The following GINS4 variants were observed in gnomAD, a reference collection of about 807,000 sequenced individuals.
The protein encoded by GINS4 is DNA replication complex GINS protein SLD5.
In GINS4, 20 loss-of-function variants were observed where a neutral mutation model predicts 31.1. The ratio of observed to expected loss-of-function variants is 0.64; its 90% CI spans 0.45 to 0.93. The LOEUF is 0.93. Ranked by LOEUF, GINS4 falls within the 40% of genes least tolerant of loss-of-function variation. The pLI, the probability that GINS4 is intolerant of heterozygous loss-of-function variation, is 0.00. For missense variants in GINS4, 245 were observed against 273.9 expected (o/e 0.89, Z 0.75); for synonymous variants, 85 against 97.9 (o/e 0.87, Z 0.78).
chr8:41,537,606 A>C, intron 4 of GINS4: 1 of 232,066 alleles, frequency 4.3e-6, no homozygotes. Context: ...TCAATAGTGA[A>C]TGCTGACTAG....
At chr8:41,532,098 C>G (rs1806655372) in intron 2 of GINS4, among the ~76,000 whole-genome samples, 1 of 152,208 alleles carries the variant, frequency 6.6e-6, no homozygotes, top group Non-Finnish European at 1.5e-5. Flanking sequence ...AGCCTCTGTG[C>G]CCAGCCTGTT....
chr8:41,537,532 C>A, intron 4 of GINS4: 1 of 420,914 alleles, frequency 2.4e-6, no homozygotes. Flanking sequence ...GTTCACCTGC[C>A]GAGTGAGTGG....
At position 41,545,023 on chromosome 8, in the gene GINS4, T is replaced by C. The variant is rs964069215; in HGVS notation, c.*2936T>C. ...ATTTTTAAATAAAGGAGAAGTTGAA[T>C]TTCAAAACCAAGTGGAACAGGAAAT... On this transcript the variant is annotated 3_prime_UTR_variant, in exon 8 of 8. Coordinates refer to ENST00000276533, the MANE Select transcript of GINS4 (RefSeq NM_032336.3). 1 of 152,250 alleles carries C rather than the reference T, an allele frequency of 6.6e-6. No individual in the cohort carries two copies. The highest frequency in any genetic ancestry group is 2.4e-5 in the African/African-American group (1 of 41,462). The allele number at this position is 152,250 out of a possible 1,614,324, so 9.4% of individuals were successfully genotyped here.
chr8:41,534,965 C>T (rs577423702), intron 2 of GINS4, among the ~76,000 whole-genome samples: 17 of 152,050 alleles, frequency 1.1e-4, no homozygotes, highest in South Asian at 2.1e-4. Context: ...CCTCGTGATC[C>T]GCCTGCCTCG....
chr8:41,536,976 A>C (rs1385691550), intron 3 of GINS4: 1 of 525,918 alleles, frequency 1.9e-6, no homozygotes, highest in Non-Finnish European at 3.4e-6. Context: ...GTTCTTTTGG[A>C]AGCCTCTGGC....
chr8:41,540,062 G>C (rs768718920), intron 6 of GINS4, 58 bp downstream of exon 6: 3 of 1,161,326 alleles, frequency 2.6e-6, no homozygotes, highest in Non-Finnish European at 3.9e-6. Context: ...CCCAGGGTAG[G>C]ATCCTCTCTT....
intron 1 of GINS4, 114 bp from the exon 2 acceptor site, chr8:41,530,070 G>A: frequency 1.6e-6 from 1 of 634,580 alleles, no homozygotes. Flanking sequence ...TTGCTAAAGG[G>A]CCTCTACAAC....
chr8:41,539,700 T>G lies in GINS4; in HGVS notation c.320T>G (p.Val107Gly). The G allele has an allele frequency of 6.2e-7, 1 of 1,613,824 alleles. No homozygotes were observed. Among genetic ancestry groups the G allele is most frequent in the Non-Finnish European group, 8.5e-7 (1 of 1,179,768 alleles). ...CAGATAGAGAAGTTTTTCCCTCATGTCCTTGAGAAGGAAAAAACACGTCCT... is the reference window on the plus strand; with the variant it reads ...CAGATAGAGAAGTTTTTCCCTCATGGCCTTGAGAAGGAAAAAACACGTCCT... ...LMKIEKFFPHVLEKEKTRPEG... is the reference protein window; with the variant it reads ...LMKIEKFFPHGLEKEKTRPEG... The change falls in exon 5 of 8, where the codon GTC (valine) becomes GGC (glycine). Residue 107 changes from valine (V) to glycine (G), a missense_variant. Val to Gly is a moderately radical substitution (Grantham distance 109). Transcript: ENST00000276533.
Position 41,542,337 on chromosome 8 carries a change from TCGTGCCATTG to T in GINS4, c.*252_*261del. ...AGCAGGAGGTTGCAGTGAGCCGAGG[TCGTGCCATTG>T]CACTCCAGCCTGGGTGACAGTGAGA... On this transcript the variant is annotated 3_prime_UTR_variant, in exon 8 of 8. Coordinates refer to ENST00000276533, the MANE Select transcript of GINS4 (RefSeq NM_032336.3). The T allele has an allele frequency of 2.0e-6, 1 of 503,216 alleles. No individual in the cohort carries two copies. Among genetic ancestry groups the T allele is most frequent in the Admixed American group, 3.2e-5 (1 of 30,860 alleles). 31.2% of individuals were successfully genotyped at this position (503,216 alleles called of 1,614,324 possible).
chr8:41,533,265 T>C (rs75925561), intron 2 of GINS4, among the ~76,000 whole-genome samples: 2,717 of 152,300 alleles, frequency 0.018, 70 homozygotes, highest in African/African-American at 0.06. Context: ...AAATTATTGT[T>C]CAAGGCAGAG....
At chr8:41,540,359 T>C (rs34653334) in intron 6 of GINS4, 143,041 of 304,130 alleles carry the variant, frequency 0.47, 34,792 homozygotes, top group African/African-American at 0.63. Context: ...TGCCCCTGCT[T>C]AGAGGGGCTG....
At chr8:41,533,084 T>G (rs1047148506) in intron 2 of GINS4, among the ~76,000 whole-genome samples, 6 of 151,984 alleles carry the variant, frequency 3.9e-5, no homozygotes, top group African/African-American at 1.5e-4. Flanking sequence ...TAGACAACCG[T>G]AAACAAATAG....
Position 41,539,776 on chromosome 8 carries a change from G to A in GINS4, c.395+1G>A, listed in dbSNP as rs1390405510. 3 of 1,611,824 alleles carry A rather than the reference G, an allele frequency of 1.9e-6. No homozygotes were observed. The highest frequency in any genetic ancestry group is 8.5e-7 in the Non-Finnish European group (1 of 1,178,052). ...CGGAAGAGTTGGCCTTTGCCAGAGA[G>A]TGAGTGAGTGAGCCGTTGGCGTGGG... On this transcript the variant is annotated splice_donor_variant, in intron 5 of 7. Coordinates refer to ENST00000276533, the MANE Select transcript of GINS4 (RefSeq NM_032336.3). LOFTEE classifies it high-confidence loss of function.
chr8:41,539,069 C>T (rs911307405), intron 4 of GINS4, among the ~76,000 whole-genome samples: 5 of 151,532 alleles, frequency 3.3e-5, no homozygotes, highest in Non-Finnish European at 5.9e-5. Context: ...CCTATAATCC[C>T]AGCACTTTGG....
Position 41,533,377 on chromosome 8 carries a change from T to C in GINS4, c.97-2983T>C, listed in dbSNP as rs143270532. Reference sequence around the variant, plus strand: ...CTGGAGCCCCAGGCTGGTTACTTTTTCAAGTGAGCATCATCGGGGTCCTTG... The same window carrying C: ...CTGGAGCCCCAGGCTGGTTACTTTTCCAAGTGAGCATCATCGGGGTCCTTG... On this transcript the variant is annotated intron_variant, in intron 2 of 7. Coordinates refer to ENST00000276533, the MANE Select transcript of GINS4 (RefSeq NM_032336.3). 5.3e-3 allele frequency among the ~76,000 whole-genome samples: 803 copies of C among 152,312 alleles called. 8 individuals are homozygous for C. Among genetic ancestry groups the C allele is most frequent in the African/African-American group, 0.018 (744 of 41,570 alleles).
intron 2 of GINS4, among the ~76,000 whole-genome samples, chr8:41,532,113 C>T (rs896268399): frequency 5.3e-5 from 8 of 152,152 alleles, no homozygotes; most frequent in African/African-American, 1.9e-4. Flanking sequence ...CCTGTTTGTA[C>T]TTCTGGATTA....
intron 2 of GINS4, among the ~76,000 whole-genome samples, chr8:41,532,213 A>G (rs957320785): frequency 1.8e-4 from 27 of 152,254 alleles, no homozygotes; most frequent in Non-Finnish European, 3.2e-4. Context: ...CAGTACATAA[A>G]CAGCTCTTTC....
At chr8:41,530,085 G>A in intron 1 of GINS4, 99 bp from the exon 2 acceptor site, 3 of 750,484 alleles carry the variant, frequency 4.0e-6, no homozygotes, top group Non-Finnish European at 6.5e-6. Flanking sequence ...TACAACCCCA[G>A]GAAACCTCAA....
chr8:41,542,371 G>T lies in GINS4; in HGVS notation c.*284G>T. On this transcript the variant is annotated 3_prime_UTR_variant, in exon 8 of 8. Transcript: ENST00000276533. ...TGCACTCCAGCCTGGGTGACAGTGAGACTTTGTCTCAAAAAAAAAAACAAA... is the reference window on the plus strand; with the variant it reads ...TGCACTCCAGCCTGGGTGACAGTGATACTTTGTCTCAAAAAAAAAAACAAA... The T allele has an allele frequency of 3.5e-5, 11 of 313,846 alleles. No individual in the cohort carries two copies. Among genetic ancestry groups the T allele is most frequent in the East Asian group, 6.0e-5 (1 of 16,552 alleles). 19.4% of individuals were successfully genotyped at this position (313,846 alleles called of 1,614,324 possible).
Sources: allele counts gnomAD v4.1 joint callset (sites outside exome capture counted in the v4.1 genomes callset), GRCh38; gene constraint gnomAD v4.1.1; transcripts MANE v1.5; gene names NCBI Gene and HGNC (gene_info 2026-07-23, HGNC 2026-07-21).